ADNP: variants seen among roughly 807,000 people sequenced by gnomAD.
ADNP encodes the protein activity dependent neuroprotector homeobox.
ADNP carries 4 observed loss-of-function variants against 84.9 expected under a neutral mutation model. That is an observed-to-expected ratio of 0.05 (90% CI 0.02 to 0.11). The LOEUF is 0.11. ADNP is among the 10% of genes least tolerant of loss of function. The pLI is 1.00. For missense variants in ADNP, 1,132 were observed against 1,326.0 expected (o/e 0.85, Z 2.27); for synonymous variants, 554 against 468.1 (o/e 1.18, Z -2.37).
At position 50,891,977 on chromosome 20, in the gene ADNP, G is replaced by T. The variant is rs1409671867; in HGVS notation, c.2737C>A (p.Leu913Met). The T allele has an allele frequency of 6.2e-7, 1 of 1,614,204 alleles. No individual in the cohort carries two copies. The highest frequency in any genetic ancestry group is 1.1e-5 in the South Asian group (1 of 91,084). ...ISNDNPEEHV[L>M]KVIPEDASES... ...GAAGCATCCTCAGGAATTACCTTCAGTACATGTTCCTCTGGGTTATCGTTA... is the reference window on the plus strand; with the variant it reads ...GAAGCATCCTCAGGAATTACCTTCATTACATGTTCCTCTGGGTTATCGTTA... The change falls in exon 6 of 6, where the codon CTG (leucine) becomes ATG (methionine). Residue 913 changes from leucine (L) to methionine (M), a missense_variant. Leu to Met is a conservative substitution (Grantham distance 15). Coordinates refer to ENST00000621696, the MANE Select transcript of ADNP (RefSeq NM_001282531.3).
intron 1 of ADNP, among the ~76,000 whole-genome samples, chr20:50,929,128 G>T (rs945437621): frequency 1.3e-5 from 2 of 151,238 alleles, no homozygotes; most frequent in Non-Finnish European, 2.9e-5. Context: ...GAATTGGAAA[G>T]ATTTGGCCTA....
chr20:50,890,828 A>T lies in ADNP; in HGVS notation c.*577T>A. 1.3e-6 allele frequency: 1 copy of T among 799,518 alleles called. No homozygotes were observed. The highest frequency in any genetic ancestry group is 1.9e-5 in the African/African-American group (1 of 53,396). The allele number at this position is 799,518 out of a possible 1,614,324, so 49.5% of individuals were successfully genotyped here. On this transcript the variant is annotated 3_prime_UTR_variant, in exon 6 of 6. Coordinates refer to ENST00000621696, the MANE Select transcript of ADNP (RefSeq NM_001282531.3). The stretch of plus-strand genomic sequence containing the variant: ...ACTAGCGCAGTTTTGAGCTTTTGCT[A>T]GGTAAACTAGATAGAGCGTTTATTA...
At chr20:50,919,991 A>G (rs1239593936) in intron 2 of ADNP, among the ~76,000 whole-genome samples, 1 of 152,114 alleles carries the variant, frequency 6.6e-6, no homozygotes, top group Non-Finnish European at 1.5e-5. Context: ...TAAGAGGATT[A>G]ATCCAGGCCG....
rs1980560436 is a variant in ADNP, at chr20:50,890,397, G to A, written c.*1008C>T. ...TTAGATGCTTAAAATGAATACAAAG[G>A]GAAAATAAAGATCACAAAATTATAC... On this transcript the variant is annotated 3_prime_UTR_variant, in exon 6 of 6. Coordinates refer to ENST00000621696, the MANE Select transcript of ADNP (RefSeq NM_001282531.3). The A allele has an allele frequency of 6.6e-6, 1 of 152,118 alleles. No homozygotes were observed. The highest frequency in any genetic ancestry group is 1.5e-5 in the Non-Finnish European group (1 of 68,048). The allele number at this position is 152,118 out of a possible 1,614,324, so 9.4% of individuals were successfully genotyped here.
rs56911332 is a variant in ADNP at position 50,913,250 on chromosome 20, C to CAAAAA, written c.-89-8406_-89-8402dup. The stretch of plus-strand genomic sequence containing the variant: ...CCTGGGCAAGAGTGAGACTCTGTCT[C>CAAAAA]AAAAAAAAAAAAAAAAAAAAAAAAA... On this transcript the variant is annotated intron_variant, in intron 2 of 5. Transcript: ENST00000621696. 8.4e-3 allele frequency among the ~76,000 whole-genome samples: 360 copies of CAAAAA among 42,882 alleles called. 110 individuals are homozygous for CAAAAA. Among genetic ancestry groups the CAAAAA allele is most frequent in the Non-Finnish European group, 0.012 (271 of 21,732 alleles). 28.1% of individuals were successfully genotyped at this position (42,882 alleles called of 152,430 possible). A position where few individuals can be genotyped will look rare whatever the true frequency, so the allele number is the denominator to read the frequency against.
intron 2 of ADNP, among the ~76,000 whole-genome samples, chr20:50,919,305 A>ATATATATATATG (rs1568740994): frequency 2.2e-5 from 3 of 136,882 alleles, no homozygotes; most frequent in African/African-American, 9.1e-5. Flanking sequence ...ATATATATAT[A>ATATATATATATG]TATATATATA....
intron 1 of ADNP, among the ~76,000 whole-genome samples, chr20:50,930,247 ATGG>A (rs756227974): frequency 9.2e-5 from 14 of 152,102 alleles, no homozygotes; most frequent in African/African-American, 3.4e-4. Context: ...GGGAAAAGGG[ATGG>A]TGGTGAACTG....
At chr20:50,930,041 G>T (rs1014898169) in intron 1 of ADNP, among the ~76,000 whole-genome samples, 1 of 151,950 alleles carries the variant, frequency 6.6e-6, no homozygotes, top group Admixed American at 6.6e-5. Flanking sequence ...GATCAAGGTT[G>T]GGGGGGAGGG....
intron 2 of ADNP, among the ~76,000 whole-genome samples, chr20:50,915,578 A>C (rs961374186): frequency 2.0e-5 from 3 of 152,168 alleles, no homozygotes; most frequent in African/African-American, 7.2e-5. Context: ...CAGATGCCGG[A>C]AACTCTTCAT....
At chr20:50,902,594 G>A (rs981252699) in intron 4 of ADNP, among the ~76,000 whole-genome samples, 5 of 152,114 alleles carry the variant, frequency 3.3e-5, no homozygotes, top group Non-Finnish European at 7.3e-5. Flanking sequence ...CAGAAAGAAA[G>A]CTATTCAAAG....
In ADNP at chr20:50,891,236, G is replaced by A; in HGVS notation, c.*169C>T. 1 of 1,370,298 alleles carries A rather than the reference G, an allele frequency of 7.3e-7. No individual in the cohort carries two copies. Among genetic ancestry groups the A allele is most frequent in the African/African-American group, 1.5e-5 (1 of 67,748 alleles). The allele number at this position is 1,370,298 out of a possible 1,614,324, so 84.9% of individuals were successfully genotyped here. ...CAGAGAAGGTTCTGAAGCAAGAACA[G>A]CCTGTCCTGTCATAGACTTAGAAAT... is the stretch of plus-strand genomic sequence containing the variant. On this transcript the variant is annotated 3_prime_UTR_variant, in exon 6 of 6. Transcript: ENST00000621696.
rs759733416 is a variant in ADNP at position 50,892,398 on chromosome 20, T to C, written c.2316A>G (p.Thr772=). The change falls in exon 6 of 6, where the codon ACA becomes ACG. Residue 772 remains threonine, a synonymous_variant. Transcript: ENST00000621696. Reference sequence around the variant, plus strand: ...GATAGGGCTGTTTGTTGAAATACTTTGTTAGAAAGCTTTTCCTGGCTTCAT... The same window carrying C: ...GATAGGGCTGTTTGTTGAAATACTTCGTTAGAAAGCTTTTCCTGGCTTCAT... ...DSYEARKSFL[T]KYFNKQPYPT... 6.2e-7 allele frequency: 1 copy of C among 1,614,122 alleles called. No homozygotes were observed. The highest frequency in any genetic ancestry group is 2.2e-5 in the East Asian group (1 of 44,902).
intron 5 of ADNP, 121 bp from the exon 6 acceptor site, chr20:50,894,633 G>C (rs1020689377): frequency 2.6e-5 from 28 of 1,088,072 alleles, no homozygotes; most frequent in Non-Finnish European, 3.4e-5. Context: ...GGTGGCTCAC[G>C]CCTGTAATCC....
At chr20:50,896,068 TA>T (rs1174081773) in intron 5 of ADNP, among the ~76,000 whole-genome samples, 1 of 149,128 alleles carries the variant, frequency 6.7e-6, no homozygotes, top group Non-Finnish European at 1.5e-5. Flanking sequence ...TTACTGAAAA[TA>T]AAAAAAATAG....
intron 2 of ADNP, among the ~76,000 whole-genome samples, chr20:50,923,518 T>C (rs1984092480): frequency 6.6e-6 from 1 of 152,056 alleles, no homozygotes; most frequent in African/African-American, 2.4e-5. Flanking sequence ...TTGCTGTTTT[T>C]TATTTTTATT....
At position 50,903,656 on chromosome 20, in the gene ADNP, C is replaced by T. The variant is rs6020837; in HGVS notation, c.108+233G>A. ...GACAACTTTACGGCACCTAGTTCAACGCCTGACATGCTTAAGTCCTCAATG... is the reference window on the plus strand; with the variant it reads ...GACAACTTTACGGCACCTAGTTCAATGCCTGACATGCTTAAGTCCTCAATG... On this transcript the variant is annotated intron_variant, in intron 4 of 5. Transcript: ENST00000621696. 0.51 allele frequency among the ~76,000 whole-genome samples: 76,814 copies of T among 152,080 alleles called. 23,221 individuals are homozygous for T. The highest frequency in any genetic ancestry group is 0.86 in the African/African-American group (35,893 of 41,512).
intron 5 of ADNP, among the ~76,000 whole-genome samples, chr20:50,898,788 G>T (rs1361277599): frequency 6.6e-6 from 1 of 152,136 alleles, no homozygotes; most frequent in Non-Finnish European, 1.5e-5. Context: ...AGCTGTATGA[G>T]GCTGCTACCA....
chr20:50,903,700 A>T (rs1421065114), intron 4 of ADNP, among the ~76,000 whole-genome samples, 189 bp downstream of exon 4: 1 of 152,192 alleles, frequency 6.6e-6, no homozygotes, highest in Admixed American at 6.5e-5. Flanking sequence ...CTGCTTCAGG[A>T]TGCAAAAATG....
intron 4 of ADNP, among the ~76,000 whole-genome samples, chr20:50,902,619 T>C (rs960968430): frequency 2.6e-5 from 4 of 152,134 alleles, no homozygotes; most frequent in Middle Eastern, 3.2e-3. Flanking sequence ...TTAAGCAGTA[T>C]GATGTTAAAT....
Sources: gnomAD v4.1 joint callset for allele counts (sites outside exome capture counted in the v4.1 genomes callset) on GRCh38, gnomAD v4.1.1 for gene constraint, MANE v1.5 for transcripts, NCBI Gene and HGNC (gene_info 2026-07-23, HGNC 2026-07-21) for gene names.